The following OSBP2 variants were observed in gnomAD, a reference collection of about 807,000 sequenced individuals.
The protein encoded by OSBP2 is oxysterol binding protein 2, also known as oxysterol-binding protein 2.
In OSBP2, 66 loss-of-function variants were observed where a neutral mutation model predicts 96.0. That is an observed-to-expected ratio of 0.69 (90% CI 0.56 to 0.84). The LOEUF (loss-of-function observed/expected upper bound fraction) is 0.84, where lower values mean the gene tolerates loss of function less well. OSBP2 is among the 40% of genes least tolerant of loss of function. The pLI is 0.00. For synonymous variants in OSBP2, 525 were observed against 520.9 expected (o/e 1.01, Z -0.11); for missense variants, 1,038 against 1,222.7 (o/e 0.85, Z 2.25).
chr22:30,701,004 A>G (rs2089151551), intron 1 of OSBP2, among the ~76,000 whole-genome samples: 1 of 151,676 alleles, frequency 6.6e-6, no homozygotes, highest in South Asian at 2.1e-4. Context: ...CTGAGGCAGG[A>G]GAATTGCTTG....
rs562127101 is a variant in OSBP2 at position 30,795,049 on chromosome 22, A to G, written c.853+53680A>G. Among the ~76,000 whole-genome samples, 5 of 151,766 alleles carry G rather than the reference A, an allele frequency of 3.3e-5. No individual in the cohort carries two copies. The South Asian group carries it at 8.3e-4, about 25-fold the overall frequency. On this transcript the variant is annotated intron_variant, in intron 2 of 13. Transcript: ENST00000332585. ...CTCAGCCTCCCAAGTAGCTGGGACT[A>G]CAGGTACACACCACTGCACCCAGGT... is the stretch of plus-strand genomic sequence containing the variant.
At chr22:30,878,207 T>G (rs1237675743) in intron 3 of OSBP2, among the ~76,000 whole-genome samples, 1 of 151,980 alleles carries the variant, frequency 6.6e-6, no homozygotes, top group East Asian at 1.9e-4. Context: ...GCCAAGTGAC[T>G]CAATGCCAAT....
chr22:30,840,116 G>A (rs1340363727), intron 2 of OSBP2, among the ~76,000 whole-genome samples: 4 of 143,124 alleles, frequency 2.8e-5, no homozygotes, highest in African/African-American at 7.8e-5. Context: ...GCTAGATGAC[G>A]AGTTAGTGGG....
intron 12 of OSBP2, among the ~76,000 whole-genome samples, chr22:30,895,768 G>C (rs1456724810): frequency 6.6e-6 from 1 of 151,790 alleles, no homozygotes; most frequent in Non-Finnish European, 1.5e-5. Flanking sequence ...GAGAAACCCC[G>C]TCTCTACTAA....
rs748334539 is a variant in OSBP2 at position 30,694,942 on chromosome 22, C to G, written c.33C>G (p.Gly11=). Residue 11 remains glycine, a synonymous_variant, in exon 1 of 14, where the codon GGC becomes GGG. Coordinates refer to ENST00000332585, the MANE Select transcript of OSBP2 (RefSeq NM_030758.4). The stretch of plus-strand genomic sequence containing the variant: ...AAGCGGCGGCTCCGAGCCGAGGCGG[C>G]GGCTGTGGCGGCCGCTCCCGCGGGC... The part of the protein sequence containing the change: MGKAAAPSRG[G]GCGGRSRGLS... The G allele has an allele frequency of 1.4e-6, 2 of 1,468,898 alleles. No individual in the cohort carries two copies. Among genetic ancestry groups the G allele is most frequent in the Admixed American group, 2.4e-5 (1 of 42,130 alleles). The allele number at this position is 1,468,898 out of a possible 1,614,324, so 91.0% of individuals were successfully genotyped here. A position where few individuals can be genotyped will look rare whatever the true frequency, so the allele number is the denominator to read the frequency against.
Position 30,870,016 on chromosome 22 carries a change from C to T in OSBP2, c.854-413C>T, listed in dbSNP as rs2039425493. Among the ~76,000 whole-genome samples, 1 of 152,178 alleles carries T rather than the reference C, an allele frequency of 6.6e-6. No homozygotes were observed. Among genetic ancestry groups the T allele is most frequent in the Non-Finnish European group, 1.5e-5 (1 of 68,018 alleles). ...TAGGCCTGCGATGCTGAGAAAGGAG[C>T]CCAGGCTCCATTCTGGGGGCCTCTG... On this transcript the variant is annotated intron_variant, in intron 2 of 13. Transcript: ENST00000332585. The surrounding 1 kb of genome is among the most constrained non-coding windows in gnomAD (Gnocchi z 4.1).
At chr22:30,882,311 T>C (rs1569164096) in intron 3 of OSBP2, among the ~76,000 whole-genome samples, 1 of 152,126 alleles carries the variant, frequency 6.6e-6, no homozygotes, top group East Asian at 1.9e-4. Context: ...ATCCCTGCCC[T>C]CAAGGGGCTC....
Position 30,895,917 on chromosome 22 carries a change from G to GA in OSBP2, c.2375+1916_2375+1917insA, listed in dbSNP as rs2040054820. Among the ~76,000 whole-genome samples, 42 of 135,788 alleles carry GA rather than the reference G, an allele frequency of 3.1e-4. 1 individual carries two copies. Among genetic ancestry groups the GA allele is most frequent in the Non-Finnish European group, 3.8e-4 (24 of 63,632 alleles). 89.1% of individuals were successfully genotyped at this position (135,788 alleles called of 152,430 possible). On this transcript the variant is annotated intron_variant, in intron 12 of 13. Transcript: ENST00000332585. ...CGTGCCACTGCACTCTAGCCTGGGA[G>GA]GAAAAAAAAAAATGAAAACAGTATT...
Position 30,870,702 on chromosome 22 carries a change from G to A in OSBP2, c.1107+20G>A, listed in dbSNP as rs754546373. 1.2e-5 allele frequency: 20 copies of A among 1,604,598 alleles called. No homozygotes were observed. In the Admixed American group the frequency reaches 2.2e-4, roughly 17 times the overall value. On this transcript the variant is annotated intron_variant, in intron 3 of 13. Transcript: ENST00000332585. This position sits in a 1 kb window ranked among gnomAD's most constrained non-coding sequence, Gnocchi z 4.1. Reference sequence around the variant, plus strand: ...ATCAACGTGAGTACCCACCCCCACCGCCCTGGCACGGGGCTCCCTGGCTCC... The same window carrying A: ...ATCAACGTGAGTACCCACCCCCACCACCCTGGCACGGGGCTCCCTGGCTCC...
Position 30,889,511 on chromosome 22 carries a change from G to T in OSBP2, c.1498G>T (p.Val500Leu). 6.8e-6 allele frequency: 11 copies of T among 1,614,090 alleles called. No homozygotes were observed. The highest frequency in any genetic ancestry group is 9.3e-6 in the Non-Finnish European group (11 of 1,180,020). ...GCAGGTACTAGATGGTGCCTCGCTC[G>T]TGCCCAAGGGTTCATCCAAAGTCAA... Reference protein sequence around the residue: ...ADNVLDGASLVPKGSSKVKRR... With the variant: ...ADNVLDGASLLPKGSSKVKRR... The change falls in exon 7 of 14, where the codon GTG (valine) becomes TTG (leucine). Residue 500 changes from valine (V) to leucine (L), a missense_variant. Physicochemically the swap from Val to Leu is conservative, Grantham distance 32. Coordinates refer to ENST00000332585, the MANE Select transcript of OSBP2 (RefSeq NM_030758.4).
At chr22:30,701,590 G>C (rs913306090) in intron 1 of OSBP2, among the ~76,000 whole-genome samples, 5 of 151,946 alleles carry the variant, frequency 3.3e-5, no homozygotes, top group Admixed American at 6.6e-5. Context: ...TGATCCGCCC[G>C]CCTCGGCCTC....
chr22:30,787,678 A>G (rs1291813349), intron 2 of OSBP2, among the ~76,000 whole-genome samples: 2 of 152,076 alleles, frequency 1.3e-5, no homozygotes, highest in Non-Finnish European at 2.9e-5. Context: ...GTCTAAAAAG[A>G]AAAAAGAAAA....
chr22:30,857,083 G>T (rs5994352), intron 2 of OSBP2, among the ~76,000 whole-genome samples: 1 of 152,224 alleles, frequency 6.6e-6, no homozygotes, highest in Non-Finnish European at 1.5e-5. Context: ...TGCAAAAACT[G>T]CTTGGAGAGC....
At chr22:30,730,323 A>G (rs1479551583) in intron 1 of OSBP2, among the ~76,000 whole-genome samples, 1 of 152,140 alleles carries the variant, frequency 6.6e-6, no homozygotes, top group African/African-American at 2.4e-5. Context: ...CATGCAGAAA[A>G]ACTGGTCAAT....
chr22:30,718,348 C>T (rs1404887695), intron 1 of OSBP2, among the ~76,000 whole-genome samples: 1 of 152,202 alleles, frequency 6.6e-6, no homozygotes, highest in Admixed American at 6.5e-5. Flanking sequence ...CTAACGATCA[C>T]ATCCTTTAGC....
chr22:30,879,280 G>C (rs2039650665), intron 3 of OSBP2, among the ~76,000 whole-genome samples: 3 of 152,248 alleles, frequency 2.0e-5, no homozygotes, highest in Admixed American at 1.3e-4. Flanking sequence ...AGGGCCTGGG[G>C]AGATGGGTAA....
chr22:30,799,354 C>A (rs2090818840), intron 2 of OSBP2, among the ~76,000 whole-genome samples: 1 of 152,224 alleles, frequency 6.6e-6, no homozygotes, highest in Non-Finnish European at 1.5e-5. Flanking sequence ...AAACCCCTGG[C>A]CTCAAGTGAT....
chr22:30,699,972 T>C (rs897837225), intron 1 of OSBP2, among the ~76,000 whole-genome samples: 9 of 151,538 alleles, frequency 5.9e-5, no homozygotes, highest in Non-Finnish European at 1.0e-4. Flanking sequence ...TTTTCTTTTT[T>C]TTTTTTTTGA....
At chr22:30,753,797 G>A (rs1464681413) in intron 2 of OSBP2, among the ~76,000 whole-genome samples, 2 of 152,184 alleles carry the variant, frequency 1.3e-5, no homozygotes, top group Non-Finnish European at 2.9e-5. Context: ...CCTTCAGGGG[G>A]AAACAAACTT....
Sources: allele counts gnomAD v4.1 joint callset (sites outside exome capture counted in the v4.1 genomes callset), GRCh38; gene constraint gnomAD v4.1.1; non-coding constraint Gnocchi (gnomAD v3.1); transcripts MANE v1.5; gene names NCBI Gene and HGNC (gene_info 2026-07-23, HGNC 2026-07-21).